Variants in SUGCT observed in about 807,000 individuals in gnomAD.
The protein encoded by SUGCT is succinyl-CoA:glutarate CoA-transferase.
SUGCT carries 41 observed loss-of-function variants against 55.0 expected under a neutral mutation model. The ratio of observed to expected loss-of-function variants is 0.74; its 90% CI spans 0.58 to 0.97. The LOEUF (loss-of-function observed/expected upper bound fraction) is 0.97. SUGCT is among the 50% of genes least tolerant of loss of function. The probability of loss-of-function intolerance (pLI) is 0.00; values close to 1 mark genes in which losing one functional copy is unlikely to be tolerated. For missense variants in SUGCT, 568 were observed against 547.8 expected (o/e 1.04, Z -0.37); for synonymous variants, 187 against 200.4 (o/e 0.93, Z 0.56).
In SUGCT at chr7:40,338,053, C is replaced by T. The variant is rs185308540; in HGVS notation, c.816+21198C>T. Among the ~76,000 whole-genome samples, 1,355 of 152,248 alleles carry T rather than the reference C, an allele frequency of 8.9e-3. 10 individuals are homozygous for T. Among genetic ancestry groups the T allele is most frequent in the Middle Eastern group, 0.017 (5 of 294 alleles). On this transcript the variant is annotated intron_variant, in intron 9 of 13. Transcript: ENST00000335693. Reference sequence around the variant, plus strand: ...GAAATTCTGGGTTGAAAATTCTTTTCTTTAAGAATGTTGAATATTGGCCCC... The same window carrying T: ...GAAATTCTGGGTTGAAAATTCTTTTTTTTAAGAATGTTGAATATTGGCCCC...
intron 1 of SUGCT, among the ~76,000 whole-genome samples, chr7:40,165,213 G>A (rs888399746): frequency 2.6e-5 from 4 of 152,094 alleles, no homozygotes; most frequent in Non-Finnish European, 4.4e-5. Context: ...TGCTATTTGA[G>A]CAGTTTGTTT....
chr7:40,233,446 C>G (rs1382680249), intron 6 of SUGCT, among the ~76,000 whole-genome samples: 2 of 152,056 alleles, frequency 1.3e-5, no homozygotes, highest in Middle Eastern at 3.2e-3. Context: ...GTCTTGAGCT[C>G]CTGACCTAGT....
At chr7:40,635,225 G>A (rs1799969792) in intron 12 of SUGCT, among the ~76,000 whole-genome samples, 1 of 152,086 alleles carries the variant, frequency 6.6e-6, no homozygotes, top group African/African-American at 2.4e-5. Flanking sequence ...GGCAAAGGTT[G>A]CAGTGAGCCA....
the SUGCT span, among the ~76,000 whole-genome samples, chr7:41,008,557 T>A: frequency 6.6e-6 from 1 of 152,104 alleles, no homozygotes; most frequent in Non-Finnish European, 1.5e-5. Context: ...ATTCCTAGAC[T>A]GAAAGCAGGC....
At chr7:40,258,446 T>G (rs905196341) in intron 7 of SUGCT, among the ~76,000 whole-genome samples, 1 of 152,228 alleles carries the variant, frequency 6.6e-6, no homozygotes, top group Non-Finnish European at 1.5e-5. Flanking sequence ...TGGCGCGATC[T>G]TGGCTCACTG....
At chr7:40,741,185 C>T (rs761334032) in intron 12 of SUGCT, among the ~76,000 whole-genome samples, 9 of 151,014 alleles carry the variant, frequency 6.0e-5, no homozygotes, top group Admixed American at 2.0e-4. Context: ...GGCTGAGGCA[C>T]GAGAATTGCC....
chr7:40,780,630 T>TA (rs1789688516), intron 13 of SUGCT, among the ~76,000 whole-genome samples: 1 of 152,154 alleles, frequency 6.6e-6, no homozygotes, highest in Non-Finnish European at 1.5e-5. Context: ...GTACCCTCAT[T>TA]ACTGATTGTG....
chr7:40,239,917 G>T (rs547828811), intron 7 of SUGCT, among the ~76,000 whole-genome samples: 8 of 152,252 alleles, frequency 5.3e-5, no homozygotes, highest in Admixed American at 5.2e-4. Flanking sequence ...AGTAGTTACC[G>T]CATCTGTTTC....
chr7:40,690,493 A>T (rs933431087), intron 12 of SUGCT, among the ~76,000 whole-genome samples: 4 of 152,176 alleles, frequency 2.6e-5, no homozygotes, highest in Non-Finnish European at 5.9e-5. Flanking sequence ...TTAATTATTT[A>T]AAAACTACTT....
chr7:40,136,701 T>C (rs1465316766), intron 1 of SUGCT, among the ~76,000 whole-genome samples: 1 of 152,222 alleles, frequency 6.6e-6, no homozygotes, highest in African/African-American at 2.4e-5. Context: ...ACATTGTCTT[T>C]AGTGTTTAAC....
chr7:40,292,175 T>C (rs1167836011), intron 8 of SUGCT, among the ~76,000 whole-genome samples: 2 of 152,216 alleles, frequency 1.3e-5, no homozygotes, highest in African/African-American at 4.8e-5. Flanking sequence ...ATGAAGGTCT[T>C]TATCAGTTCT....
At chr7:40,136,144 T>C (rs1275850007) in intron 1 of SUGCT, among the ~76,000 whole-genome samples, 1 of 151,822 alleles carries the variant, frequency 6.6e-6, no homozygotes, top group Non-Finnish European at 1.5e-5. Flanking sequence ...ATTACAGGCA[T>C]GTGCCACATG....
intron 7 of SUGCT, 73 bp downstream of exon 7, chr7:40,237,799 C>A: frequency 1.6e-6 from 2 of 1,228,242 alleles, no homozygotes; most frequent in Non-Finnish European, 2.3e-6. Flanking sequence ...TCTGCACTAA[C>A]CCATAGGATT....
chr7:40,901,318 A>T, the SUGCT span, among the ~76,000 whole-genome samples: 2 of 152,212 alleles, frequency 1.3e-5, no homozygotes, highest in African/African-American at 4.8e-5. Flanking sequence ...CTGTTTTCTC[A>T]CGAAGATCCT....
At chr7:40,910,600 G>A in the SUGCT span, among the ~76,000 whole-genome samples, 1 of 152,146 alleles carries the variant, frequency 6.6e-6, no homozygotes, top group Non-Finnish European at 1.5e-5. Context: ...ACTGATCAAG[G>A]ATTCCAGTGA....
At chr7:40,464,502 A>G (rs180984712) in intron 11 of SUGCT, among the ~76,000 whole-genome samples, 1 of 152,182 alleles carries the variant, frequency 6.6e-6, no homozygotes, top group Admixed American at 6.5e-5. Flanking sequence ...GGAAATATTG[A>G]TGTGAATGTA....
At chr7:40,539,461 A>G (rs1044170061) in intron 12 of SUGCT, 11 of 152,132 alleles carry the variant, frequency 7.2e-5, no homozygotes, top group Non-Finnish European at 1.6e-4. Context: ...TTCAGAAATG[A>G]CCTCGAATTT....
chr7:41,028,209 C>T, the SUGCT span, among the ~76,000 whole-genome samples: 66,704 of 152,092 alleles, frequency 0.44, 14,818 homozygotes, highest in African/African-American at 0.48. Context: ...GACCTAGAAG[C>T]CAAGAGAAAG....
chr7:40,997,961 A>T, the SUGCT span, among the ~76,000 whole-genome samples: 1 of 151,288 alleles, frequency 6.6e-6, no homozygotes, highest in East Asian at 2.0e-4. Flanking sequence ...CTCAATGCTC[A>T]CCAGCTACTC....
Sources: allele counts gnomAD v4.1 joint callset (sites outside exome capture counted in the v4.1 genomes callset), GRCh38; gene constraint gnomAD v4.1.1; transcripts MANE v1.5; gene names NCBI Gene and HGNC (gene_info 2026-07-23, HGNC 2026-07-21).